The following RAB30 variants were observed in gnomAD, a reference collection of about 807,000 sequenced individuals.
The protein encoded by RAB30 is ras-related protein Rab-30.
Under a neutral mutation model 25.1 loss-of-function variants are expected in RAB30, and 9 were observed. That is an observed-to-expected ratio of 0.36 (90% CI 0.22 to 0.63). RAB30 has a LOEUF of 0.63. Ranked by LOEUF, RAB30 falls within the 20% of genes least tolerant of loss-of-function variation. The pLI is 0.69. For missense variants in RAB30, 140 were observed against 243.5 expected (o/e 0.58, Z 2.83); for synonymous variants, 77 against 86.4 (o/e 0.89, Z 0.60).
chr11:82,987,029 A>T (rs559032067), intron 4 of RAB30: 1 of 152,374 alleles, frequency 6.6e-6, no homozygotes, highest in South Asian at 2.1e-4. Flanking sequence ...TGCATATATC[A>T]GTCATGATAG....
chr11:83,068,279 C>T (rs1858753048), intron 1 of RAB30, among the ~76,000 whole-genome samples: 1 of 150,070 alleles, frequency 6.7e-6, no homozygotes, highest in African/African-American at 2.5e-5. Flanking sequence ...GCAAGGGCAA[C>T]AAGAGCAAAA....
chr11:83,062,050 C>T (rs115574245), intron 1 of RAB30, among the ~76,000 whole-genome samples: 35 of 152,098 alleles, frequency 2.3e-4, no homozygotes, highest in African/African-American at 6.3e-4. Flanking sequence ...TGCCACCAGA[C>T]GGTCCTGGCT....
chr11:82,995,971 A>C (rs1856948769), intron 2 of RAB30, among the ~76,000 whole-genome samples: 1 of 152,200 alleles, frequency 6.6e-6, no homozygotes. Flanking sequence ...ACTTTACTAC[A>C]TCTCTGCAGT....
intron 1 of RAB30, among the ~76,000 whole-genome samples, chr11:83,068,103 G>A (rs112148873): frequency 0.029 from 4,143 of 144,530 alleles, 104 homozygotes; most frequent in East Asian, 0.083. Flanking sequence ...CAGCCTGGGC[G>A]ACAGAGTGAG....
chr11:82,996,503 CA>C (rs999209812), intron 2 of RAB30, among the ~76,000 whole-genome samples: 5 of 152,184 alleles, frequency 3.3e-5, no homozygotes, highest in African/African-American at 1.2e-4. Flanking sequence ...AATGGTCCTA[CA>C]AAGGGTATCA....
intron 1 of RAB30, among the ~76,000 whole-genome samples, chr11:83,009,076 C>CTTT (rs3037193): frequency 1.1e-4 from 16 of 143,350 alleles, no homozygotes; most frequent in African/African-American, 4.1e-4. Flanking sequence ...AGCGGGAAAC[C>CTTT]TTTTTTTTTT....
intron 1 of RAB30, among the ~76,000 whole-genome samples, chr11:83,027,601 A>T (rs570667928): frequency 1.7e-4 from 26 of 152,268 alleles, no homozygotes; most frequent in South Asian, 1.2e-3. Context: ...AGTACTTTTT[A>T]AAAAAAGCTT....
rs1199487825 is a variant in RAB30, at chr11:83,071,861, C to CCAG, written c.-182_-180dup. ...GCTGGAGCGAGCGGCAATCGCAAGCCCAGCAGCAGCAGGGGGTGGAGAGAC... is the reference window on the plus strand; with the variant it reads ...GCTGGAGCGAGCGGCAATCGCAAGCCCAGCAGCAGCAGCAGGGGGTGGAGAGAC... On this transcript the variant is annotated 5_prime_UTR_variant, in exon 1 of 5. Transcript: ENST00000527633. The CCAG allele has an allele frequency of 2.7e-6, 1 of 374,678 alleles. No homozygotes were observed. Among genetic ancestry groups the CCAG allele is most frequent in the African/African-American group, 2.1e-5 (1 of 48,040 alleles). The allele number at this position is 374,678 out of a possible 1,614,324, so 23.2% of individuals were successfully genotyped here. A position where few individuals can be genotyped will look rare whatever the true frequency, so the allele number is the denominator to read the frequency against.
intron 1 of RAB30, among the ~76,000 whole-genome samples, chr11:83,043,152 G>A (rs1199488971): frequency 6.6e-6 from 1 of 152,168 alleles, no homozygotes; most frequent in Non-Finnish European, 1.5e-5. Context: ...GTGATGCTGT[G>A]CCAATTCCAA....
At chr11:83,014,634 A>AAAAGAAAGAAAGAAAG (rs58927757) in intron 1 of RAB30, among the ~76,000 whole-genome samples, 1,280 of 112,682 alleles carry the variant, frequency 0.011, 17 homozygotes, top group East Asian at 0.034. Context: ...AGAAGTAAGA[A>AAAAGAAAGAAAGAAAG]AAAGAAAGAA....
At chr11:83,003,483 C>T (rs1366878182) in intron 1 of RAB30, among the ~76,000 whole-genome samples, 3 of 152,076 alleles carry the variant, frequency 2.0e-5, no homozygotes, top group African/African-American at 7.2e-5. Flanking sequence ...AGTGCAATGG[C>T]GCGATCTCGG....
rs1406347751 is a variant in RAB30 at position 82,987,567 on chromosome 11, C to G, written c.361+20G>C. On this transcript the variant is annotated intron_variant, in intron 4 of 4. Transcript: ENST00000527633. ...CTAATGCCCACAAATCAATTTCCCT[C>G]CTCGTTAGCCCTTACTTACCCACTA... 3 of 1,582,544 alleles carry G rather than the reference C, an allele frequency of 1.9e-6. No homozygotes were observed. The highest frequency in any genetic ancestry group is 2.6e-6 in the Non-Finnish European group (3 of 1,159,160).
chr11:83,045,386 C>T (rs1858213768), intron 1 of RAB30, among the ~76,000 whole-genome samples: 1 of 152,100 alleles, frequency 6.6e-6, no homozygotes, highest in South Asian at 2.1e-4. Context: ...CTGCCTTGAC[C>T]TCCCAAAGTG....
At chr11:82,987,930 A>C (rs1341048383) in intron 3 of RAB30, among the ~76,000 whole-genome samples, 160 bp from the exon 4 acceptor site, 1 of 121,994 alleles carries the variant, frequency 8.2e-6, no homozygotes, top group African/African-American at 3.4e-5. Flanking sequence ...AAAAAAAAAA[A>C]AAAGCACTGA....
At chr11:83,038,062 G>A (rs1459025221) in intron 1 of RAB30, among the ~76,000 whole-genome samples, 1 of 152,194 alleles carries the variant, frequency 6.6e-6, no homozygotes, top group Non-Finnish European at 1.5e-5. Context: ...GAAAAAAACA[G>A]ATGACTCCTT....
At chr11:83,064,998 T>C (rs1858663062) in intron 1 of RAB30, among the ~76,000 whole-genome samples, 1 of 152,222 alleles carries the variant, frequency 6.6e-6, no homozygotes, top group Non-Finnish European at 1.5e-5. Context: ...CCATTTTTGT[T>C]GTCTTTCATG....
At position 82,975,894 on chromosome 11, in the gene RAB30, G is replaced by T. The variant is rs1474637420; in HGVS notation, c.*6271C>A. 2 of 151,984 alleles carry T rather than the reference G, an allele frequency of 1.3e-5. No homozygotes were observed. The highest frequency in any genetic ancestry group is 2.9e-5 in the Non-Finnish European group (2 of 67,986). 9.4% of individuals were successfully genotyped at this position (151,984 alleles called of 1,614,324 possible). On this transcript the variant is annotated 3_prime_UTR_variant, in exon 5 of 5. Transcript: ENST00000527633. ...AGAGCAATAATAAATGGCAAATGTG[G>T]CTCCTTAAAAAGAAGATAGGGATCA...
chr11:83,009,164 G>T (rs78657689), intron 1 of RAB30, among the ~76,000 whole-genome samples: 1 of 151,470 alleles, frequency 6.6e-6, no homozygotes, highest in African/African-American at 2.4e-5. Context: ...CACACCCCAG[G>T]TTCAAGCAAT....
intron 4 of RAB30, 138 bp from the exon 5 acceptor site, chr11:82,982,553 T>G: frequency 1.1e-6 from 1 of 950,076 alleles, no homozygotes; most frequent in Admixed American, 2.6e-5. Context: ...CTGTGATTAC[T>G]GAAATGTTTA....
Sources: gnomAD v4.1 joint callset for allele counts (sites outside exome capture counted in the v4.1 genomes callset) on GRCh38, gnomAD v4.1.1 for gene constraint, MANE v1.5 for transcripts, NCBI Gene and HGNC (gene_info 2026-07-23, HGNC 2026-07-21) for gene names.